The following SOAT1 variants were observed in gnomAD, a reference collection of about 807,000 sequenced individuals.
SOAT1 encodes sterol O-acyltransferase 1.
A neutral mutation model predicts 69.5 loss-of-function variants in SOAT1; 55 were observed. That is an observed-to-expected ratio of 0.79 (90% CI 0.64 to 0.99). SOAT1 has a LOEUF of 0.99. Ranked by LOEUF, SOAT1 falls within the 50% of genes least tolerant of loss-of-function variation. The pLI, the probability that SOAT1 is intolerant of heterozygous loss-of-function variation, is 0.00. For missense variants in SOAT1, 580 were observed against 669.3 expected (o/e 0.87, Z 1.47); for synonymous variants, 231 against 224.7 (o/e 1.03, Z -0.25).
Position 179,337,873 on chromosome 1 carries a change from T to G in SOAT1, c.366T>G (p.Phe122Leu). 1.9e-6 allele frequency: 3 copies of G among 1,610,466 alleles called. No individual in the cohort carries two copies. Among genetic ancestry groups the G allele is most frequent in the Non-Finnish European group, 2.5e-6 (3 of 1,178,266 alleles). ...LRAPPEQGKI[F>L]IARRSLLDEL... ...CACCTCCAGAACAAGGAAAGATTTT[T>G]ATTGCAAGGCGCTCTCTCTTAGAGT... Residue 122 changes from phenylalanine to leucine, a missense_variant, in exon 5 of 16, where the codon TTT (phenylalanine) becomes TTG (leucine). Physicochemically the swap from Phe to Leu is conservative, Grantham distance 22 (BLOSUM62 0). Coordinates refer to ENST00000367619, the MANE Select transcript of SOAT1 (RefSeq NM_003101.6).
intron 2 of SOAT1, among the ~76,000 whole-genome samples, chr1:179,304,283 T>TC (rs1664930437): frequency 6.7e-6 from 1 of 149,868 alleles, no homozygotes; most frequent in Admixed American, 6.6e-5. Context: ...TTCTCTCCTT[T>TC]TTTTTTTTTT....
Position 179,305,517 on chromosome 1 carries a change from G to A in SOAT1, c.118+2715G>A, listed in dbSNP as rs142402280. Among the ~76,000 whole-genome samples the A allele has an allele frequency of 1.3e-3, 196 of 152,058 alleles. 1 individual carries two copies. Among genetic ancestry groups the A allele is most frequent in the African/African-American group, 4.2e-3 (174 of 41,438 alleles). On this transcript the variant is annotated intron_variant, in intron 2 of 15. Transcript: ENST00000367619. ...TTTGGGGGGGTTATTTACAATGATT[G>A]GCTATTATGAATGATGCTGCTATGA...
chr1:179,304,670 A>C (rs1232252257), intron 2 of SOAT1, among the ~76,000 whole-genome samples: 3 of 150,182 alleles, frequency 2.0e-5, no homozygotes, highest in Admixed American at 6.6e-5. Context: ...ATTCCTCCTA[A>C]TTGGAGATAG....
At chr1:179,312,469 G>A (rs543352365) in intron 2 of SOAT1, among the ~76,000 whole-genome samples, 33 of 152,110 alleles carry the variant, frequency 2.2e-4, no homozygotes, top group Non-Finnish European at 3.7e-4. Context: ...TGAAACCTTC[G>A]CTAGAAATTC....
Position 179,323,519 on chromosome 1 carries a change from AC to A in SOAT1, c.177+25del, listed in dbSNP as rs1284684903. 10 of 1,596,914 alleles carry A rather than the reference AC, an allele frequency of 6.3e-6. No homozygotes were observed. In the East Asian group the frequency reaches 8.9e-5, roughly 14 times the overall value. The stretch of plus-strand genomic sequence containing the variant: ...AGGCAAGTAACTCCCTCTTCTAGAA[AC>A]AAAAATGTAGAGTTTTAGATAGAAT... On this transcript the variant is annotated intron_variant, in intron 3 of 15. Coordinates refer to ENST00000367619, the MANE Select transcript of SOAT1 (RefSeq NM_003101.6).
At chr1:179,294,905 GAT>G (rs929135581) in intron 1 of SOAT1, among the ~76,000 whole-genome samples, 3 of 151,800 alleles carry the variant, frequency 2.0e-5, no homozygotes, top group African/African-American at 7.3e-5. Flanking sequence ...CAGCCTGCTT[GAT>G]TTCCTCTTCC....
chr1:179,344,376 T>G (rs1210012881), intron 10 of SOAT1, among the ~76,000 whole-genome samples: 1 of 24,824 alleles, frequency 4.0e-5, no homozygotes, highest in Non-Finnish European at 8.4e-5. Flanking sequence ...TTTTTTTTTT[T>G]TTTTTTTTTT....
intron 13 of SOAT1, among the ~76,000 whole-genome samples, chr1:179,349,616 C>T (rs528653686): frequency 5.4e-4 from 82 of 152,246 alleles, no homozygotes; most frequent in African/African-American, 1.5e-3. Context: ...CATGAGCCAC[C>T]GTGCCCGGGT....
At chr1:179,333,636 C>T (rs1206025145) in intron 3 of SOAT1, among the ~76,000 whole-genome samples, 1 of 152,030 alleles carries the variant, frequency 6.6e-6, no homozygotes, top group African/African-American at 2.4e-5. Context: ...AGGTTCGAGA[C>T]CAGCCTGACC....
chr1:179,325,605 A>G (rs1306806932), intron 3 of SOAT1, among the ~76,000 whole-genome samples: 1 of 152,098 alleles, frequency 6.6e-6, no homozygotes, highest in African/African-American at 2.4e-5. Flanking sequence ...ACAAAAACAT[A>G]TTATGTTCTA....
At chr1:179,330,572 G>T (rs548416185) in intron 3 of SOAT1, among the ~76,000 whole-genome samples, 65 of 152,268 alleles carry the variant, frequency 4.3e-4, no homozygotes, top group African/African-American at 1.4e-3. Flanking sequence ...GGTCAATTTT[G>T]GGGAGGGACT....
At chr1:179,321,995 C>T (rs556379506) in intron 2 of SOAT1, among the ~76,000 whole-genome samples, 2 of 152,000 alleles carry the variant, frequency 1.3e-5, no homozygotes, top group South Asian at 4.2e-4. Context: ...GATCCTCTCA[C>T]CTCAGCCTCC....
At chr1:179,310,584 G>T (rs1665189969) in intron 2 of SOAT1, among the ~76,000 whole-genome samples, 1 of 152,114 alleles carries the variant, frequency 6.6e-6, no homozygotes, top group Non-Finnish European at 1.5e-5. Flanking sequence ...TTATTGTTAA[G>T]ATTGAAAAGT....
At chr1:179,333,888 G>A (rs946376359) in intron 3 of SOAT1, among the ~76,000 whole-genome samples, 1 of 151,670 alleles carries the variant, frequency 6.6e-6, no homozygotes, top group Admixed American at 6.6e-5. Flanking sequence ...AGTGGTGAAA[G>A]CAGCTAGCTG....
chr1:179,346,534 C>T (rs1489729997), intron 11 of SOAT1, among the ~76,000 whole-genome samples: 2 of 152,122 alleles, frequency 1.3e-5, no homozygotes, highest in Non-Finnish European at 2.9e-5. Flanking sequence ...GATGCAAGGG[C>T]ATGGAGCATT....
intron 2 of SOAT1, among the ~76,000 whole-genome samples, chr1:179,307,713 T>C (rs1307820302): frequency 6.6e-6 from 1 of 152,212 alleles, no homozygotes; most frequent in African/African-American, 2.4e-5. Flanking sequence ...GTGCTTAGGT[T>C]ACCTTTTATG....
intron 2 of SOAT1, among the ~76,000 whole-genome samples, chr1:179,321,672 G>A (rs1665610010): frequency 6.6e-6 from 1 of 152,034 alleles, no homozygotes; most frequent in Non-Finnish European, 1.5e-5. Flanking sequence ...ATTATTCTCT[G>A]TCACTATTTC....
chr1:179,351,395 G>A lies in SOAT1; in HGVS notation c.1529G>A (p.Gly510Asp), dbSNP rs1207669335. ...NVLMWTSLFL[G>D]NGVLLCFYSQ... Reference sequence around the variant, plus strand: ...CTGATGTGGACTTCTCTTTTCTTGGGCAATGGAGTCTTACTCTGCTTTTAT... The same window carrying A: ...CTGATGTGGACTTCTCTTTTCTTGGACAATGGAGTCTTACTCTGCTTTTAT... The change falls in exon 15 of 16, where the codon GGC (glycine) becomes GAC (aspartate). Residue 510 changes from glycine (G) to aspartate (D), a missense_variant. By Grantham distance (94) the Gly-to-Asp change is moderately conservative. Transcript: ENST00000367619. 1 of 1,613,990 alleles carries A rather than the reference G, an allele frequency of 6.2e-7. No individual in the cohort carries two copies. Among genetic ancestry groups the A allele is most frequent in the South Asian group, 1.1e-5 (1 of 91,070 alleles).
rs1452384392 is a variant in SOAT1, at chr1:179,356,277, TA to T, written c.*2637del. On this transcript the variant is annotated 3_prime_UTR_variant, in exon 16 of 16. Coordinates refer to ENST00000367619, the MANE Select transcript of SOAT1 (RefSeq NM_003101.6). ...TGTAGTATGTATATCACTTTCTCAT[TA>T]GATCTCTAACTTGACCTTCTAGTAC... The T allele has an allele frequency of 1.3e-5, 2 of 152,174 alleles. No homozygotes were observed. The highest frequency in any genetic ancestry group is 2.9e-5 in the Non-Finnish European group (2 of 68,034). The allele number at this position is 152,174 out of a possible 1,614,324, so 9.4% of individuals were successfully genotyped here. A position where few individuals can be genotyped will look rare whatever the true frequency, so the allele number is the denominator to read the frequency against.
Sources: allele counts gnomAD v4.1 joint callset (sites outside exome capture counted in the v4.1 genomes callset), GRCh38; gene constraint gnomAD v4.1.1; transcripts MANE v1.5; gene names NCBI Gene and HGNC (gene_info 2026-07-23, HGNC 2026-07-21).